Variants in FSAF1 observed in about 807,000 individuals in gnomAD.
FSAF1 encodes uncharacterized protein C1orf131.
At chr1:231,226,826 C>T in the FSAF1 span, 1 of 1,603,420 alleles carries the variant, frequency 6.2e-7, no homozygotes, top group Admixed American at 1.7e-5. Flanking sequence ...TTTTAGGAGG[C>T]TGTAATGAAA....
At chr1:231,224,616 G>T in the FSAF1 span, 1 of 516,850 alleles carries the variant, frequency 1.9e-6, no homozygotes, top group East Asian at 3.2e-5. Context: ...GGTTTCTTCT[G>T]CAAGGAATGT....
chr1:231,230,215 G>A, the FSAF1 span, among the ~76,000 whole-genome samples: 1 of 152,128 alleles, frequency 6.6e-6, no homozygotes, highest in Non-Finnish European at 1.5e-5. Context: ...GCTGGTAAGA[G>A]AGCACTGCCT....
At chr1:231,224,516 G>A in the FSAF1 span, 2 of 1,236,616 alleles carry the variant, frequency 1.6e-6, no homozygotes, top group Non-Finnish European at 2.2e-6. Flanking sequence ...GCAAACTCCT[G>A]GTCGCCTGCC....
At chr1:231,225,425 G>C in the FSAF1 span, 2 of 1,570,850 alleles carry the variant, frequency 1.3e-6, no homozygotes, top group South Asian at 2.2e-5. Flanking sequence ...CTCATCAGTA[G>C]GTTCATCCAG....
the FSAF1 span, among the ~76,000 whole-genome samples, chr1:231,227,233 C>A: frequency 6.6e-6 from 1 of 152,178 alleles, no homozygotes; most frequent in Non-Finnish European, 1.5e-5. Context: ...GGAGGCTCTC[C>A]TACCATACAC....
chr1:231,240,954 A>T, the FSAF1 span: 1 of 1,388,680 alleles, frequency 7.2e-7, no homozygotes, highest in Non-Finnish European at 1.0e-6. The surrounding 1 kb of genome is among the most constrained non-coding windows in gnomAD (Gnocchi z 4.1). Context: ...CCAACCCAGG[A>T]CGGGCAACAC....
At chr1:231,234,983 C>T in the FSAF1 span, among the ~76,000 whole-genome samples, 1 of 152,186 alleles carries the variant, frequency 6.6e-6, no homozygotes, top group Non-Finnish European at 1.5e-5. This position sits in a 1 kb window ranked among gnomAD's most constrained non-coding sequence, Gnocchi z 4.0. Context: ...CTGCATGGTA[C>T]TCCAGGACCC....
the FSAF1 span, chr1:231,229,120 T>C: frequency 6.2e-6 from 8 of 1,297,718 alleles, no homozygotes; most frequent in Admixed American, 2.1e-5. Context: ...AAGTTAATTA[T>C]AAATAATTTA....
the FSAF1 span, among the ~76,000 whole-genome samples, chr1:231,234,763 A>T: frequency 6.6e-6 from 1 of 152,096 alleles, no homozygotes; most frequent in African/African-American, 2.4e-5. The surrounding 1 kb of genome is among the most constrained non-coding windows in gnomAD (Gnocchi z 4.0). Context: ...TATTAGCACC[A>T]ACCATTCTCC....
the FSAF1 span, among the ~76,000 whole-genome samples, chr1:231,231,570 G>A: frequency 2.1e-3 from 313 of 152,234 alleles, no homozygotes; most frequent in Non-Finnish European, 3.6e-3. Flanking sequence ...CGCGAGGCAC[G>A]TCAGATTTCT....
the FSAF1 span, among the ~76,000 whole-genome samples, chr1:231,236,479 C>G: frequency 6.6e-6 from 1 of 152,208 alleles, no homozygotes; most frequent in East Asian, 1.9e-4. Context: ...CTGAGAAGAG[C>G]CAACTAGAAT....
At chr1:231,237,428 T>G in the FSAF1 span, 1 of 152,236 alleles carries the variant, frequency 6.6e-6, no homozygotes, top group African/African-American at 2.4e-5. Flanking sequence ...GAGAGGGATC[T>G]TTATAATTAA....
At chr1:231,239,149 T>C in the FSAF1 span, 1 of 1,597,638 alleles carries the variant, frequency 6.3e-7, no homozygotes, top group Non-Finnish European at 8.5e-7. Flanking sequence ...TTCCCTTTTC[T>C]TTATGATCTT....
chr1:231,227,612 G>A, the FSAF1 span, among the ~76,000 whole-genome samples: 10 of 109,254 alleles, frequency 9.2e-5, no homozygotes, highest in South Asian at 1.2e-3. Flanking sequence ...TTTTTGAGAC[G>A]GAGTCTCACT....
chr1:231,225,478 C>T, the FSAF1 span: 2 of 1,613,718 alleles, frequency 1.2e-6, no homozygotes, highest in East Asian at 2.2e-5. Context: ...CACCTGTCCT[C>T]CTGTCCTTTC....
chr1:231,230,416 T>G, the FSAF1 span, among the ~76,000 whole-genome samples: 2 of 152,202 alleles, frequency 1.3e-5, no homozygotes, highest in African/African-American at 4.8e-5. Flanking sequence ...ATCAGATTCC[T>G]AGCATGGCAG....
the FSAF1 span, among the ~76,000 whole-genome samples, chr1:231,232,389 G>A: frequency 1.3e-5 from 2 of 152,092 alleles, no homozygotes; most frequent in South Asian, 4.2e-4. Flanking sequence ...ACTTCCACGT[G>A]GACCCCTTAA....
chr1:231,234,795 A>T, the FSAF1 span, among the ~76,000 whole-genome samples: 1 of 152,136 alleles, frequency 6.6e-6, no homozygotes, highest in African/African-American at 2.4e-5. The surrounding 1 kb of genome is among the most constrained non-coding windows in gnomAD (Gnocchi z 4.0). Context: ...GTCTTGCTAG[A>T]CTTCTTCCAG....
the FSAF1 span, chr1:231,223,953 CA>C: frequency 1.3e-4 from 26 of 207,986 alleles, no homozygotes; most frequent in Admixed American, 5.8e-5. Context: ...ATTTACAAAA[CA>C]GTAAAGTTAT....
Sources: allele counts gnomAD v4.1 joint callset (sites outside exome capture counted in the v4.1 genomes callset), GRCh38; gene constraint gnomAD v4.1.1; non-coding constraint Gnocchi (gnomAD v3.1); transcripts MANE v1.5; gene names NCBI Gene and HGNC (gene_info 2026-07-23, HGNC 2026-07-21).